SLC16A2: variants seen among roughly 807,000 people sequenced by gnomAD.
SLC16A2 encodes solute carrier family 16 member 2, also known as monocarboxylate transporter 8.
A neutral mutation model predicts 27.2 loss-of-function variants in SLC16A2; 3 were observed. That is an observed-to-expected ratio of 0.11 (90% CI 0.05 to 0.28). SLC16A2 has a LOEUF of 0.28. Ranked by LOEUF, SLC16A2 falls within the 10% of genes least tolerant of loss-of-function variation. The pLI is 1.00. For synonymous variants in SLC16A2, 202 were observed against 187.8 expected, an observed-to-expected ratio of 1.08 and a Z score of -0.62; for missense variants, 295 against 458.5, an observed-to-expected ratio of 0.64 and a Z score of 3.26.
chrX:74,484,086 G>A (rs1342721843), intron 1 of SLC16A2, among the ~76,000 whole-genome samples: 1 of 111,393 alleles, frequency 9.0e-6, no homozygotes, highest in Non-Finnish European at 1.9e-5. Context: ...ATACTAAACT[G>A]GGAGGTAGGG....
chrX:74,522,715 C>T (rs768974222), intron 2 of SLC16A2, among the ~76,000 whole-genome samples: 13 of 112,269 alleles, frequency 1.2e-4, no homozygotes, highest in East Asian at 2.8e-4. Context: ...TCTTCTGGCA[C>T]GCTACTGTAG....
At chrX:74,422,681 C>T (rs958016150) in intron 1 of SLC16A2, among the ~76,000 whole-genome samples, 5 of 112,155 alleles carry the variant, frequency 4.5e-5, no homozygotes, top group East Asian at 5.7e-4. Flanking sequence ...GTGAGTGCGT[C>T]TCTGGCCGCC....
At chrX:74,499,300 G>C (rs1430505776) in intron 1 of SLC16A2, among the ~76,000 whole-genome samples, 5 of 110,023 alleles carry the variant, frequency 4.5e-5, no homozygotes, top group Non-Finnish European at 9.5e-5. Context: ...TGCACCCCCT[G>C]GCTGCACCCA....
At chrX:74,459,637 G>C (rs1344150056) in intron 1 of SLC16A2, among the ~76,000 whole-genome samples, 1 of 110,696 alleles carries the variant, frequency 9.0e-6, no homozygotes, top group Non-Finnish European at 1.9e-5. Context: ...TAAAGGGGAG[G>C]TGCTCAAGAA....
At chrX:74,435,354 A>G (rs1225371779) in intron 1 of SLC16A2, among the ~76,000 whole-genome samples, 1 of 108,368 alleles carries the variant, frequency 9.2e-6, no homozygotes, top group Non-Finnish European at 1.9e-5. Flanking sequence ...GAAAATGGAC[A>G]GCATTTTCAT....
intron 1 of SLC16A2, among the ~76,000 whole-genome samples, chrX:74,478,336 G>T (rs941035498): frequency 2.1e-4 from 23 of 110,751 alleles, no homozygotes; most frequent in African/African-American, 6.9e-4. Flanking sequence ...TTTTCCATTT[G>T]CTTGGTAGAT....
intron 1 of SLC16A2, among the ~76,000 whole-genome samples, chrX:74,438,884 G>A (rs139436405): frequency 3.7e-4 from 41 of 112,021 alleles, no homozygotes; most frequent in Middle Eastern, 9.3e-3. Flanking sequence ...TGGAGAACAT[G>A]GATCCTTGTC....
chrX:74,440,101 G>A (rs974022336), intron 1 of SLC16A2, among the ~76,000 whole-genome samples: 3 of 111,844 alleles, frequency 2.7e-5, no homozygotes, highest in Admixed American at 9.5e-5. Context: ...GGAAGAGAGA[G>A]GCCTGGGCTT....
chrX:74,529,535 C>T (rs1342899978), intron 5 of SLC16A2, 94 bp downstream of exon 5: 2 of 644,341 alleles, frequency 3.1e-6, no homozygotes, highest in African/African-American at 4.5e-5. Context: ...GGCCCCTTTT[C>T]CTCTTATCGT....
At chrX:74,503,667 C>T (rs1304251402) in intron 1 of SLC16A2, among the ~76,000 whole-genome samples, 1 of 111,774 alleles carries the variant, frequency 8.9e-6, no homozygotes, top group Non-Finnish European at 1.9e-5. Context: ...GTTAGGCCTA[C>T]TTCTGGTCTT....
At chrX:74,497,574 G>T (rs1929959027) in intron 1 of SLC16A2, among the ~76,000 whole-genome samples, 1 of 108,934 alleles carries the variant, frequency 9.2e-6, no homozygotes, top group Non-Finnish European at 1.9e-5. Flanking sequence ...TTTCCAAGCA[G>T]AAATTGCATA....
At chrX:74,512,738 T>C (rs2147866907) in intron 1 of SLC16A2, among the ~76,000 whole-genome samples, 1 of 111,719 alleles carries the variant, frequency 9.0e-6, no homozygotes, top group East Asian at 2.8e-4. Flanking sequence ...AGTGCCTGGG[T>C]AAGGAGCCAA....
intron 1 of SLC16A2, among the ~76,000 whole-genome samples, chrX:74,438,817 G>T (rs994299802): frequency 9.0e-6 from 1 of 111,722 alleles, no homozygotes; most frequent in Non-Finnish European, 1.9e-5. Context: ...CACCTTGTTT[G>T]CAGAGTAGCA....
At chrX:74,531,225 C>A (rs1018267851) in intron 5 of SLC16A2, 108 bp from the exon 6 acceptor site, 1 of 653,836 alleles carries the variant, frequency 1.5e-6, no homozygotes, top group Non-Finnish European at 2.5e-6. Flanking sequence ...AGGCAATACA[C>A]GCCAAGATTA....
chrX:74,499,942 C>T (rs1014938003), intron 1 of SLC16A2, among the ~76,000 whole-genome samples: 4 of 110,879 alleles, frequency 3.6e-5, no homozygotes, highest in African/African-American at 1.3e-4. Flanking sequence ...CAGATTGGGT[C>T]TTATGCCTCA....
In SLC16A2 at chrX:74,421,905, C is replaced by A; in HGVS notation, c.268C>A (p.Arg90Ser). The stretch of plus-strand genomic sequence containing the variant: ...TACGGTAGAGACCCGCGGCACCGCG[C>A]GCGGCTTCCAGCCTCCCGAAGGTGG... ...TPTVETRGTA[R>S]GFQPPEGGFG... Residue 90 changes from arginine (R) to serine (S), a missense_variant, in exon 1 of 6, where the codon CGC (arginine) becomes AGC (serine). Physicochemically the swap from Arg to Ser is moderately radical, Grantham distance 110 (BLOSUM62 -1). Transcript: ENST00000587091. 1 of 1,210,695 alleles carries A rather than the reference C, an allele frequency of 8.3e-7. No homozygotes were observed. Among genetic ancestry groups the A allele is most frequent in the Non-Finnish European group, 1.1e-6 (1 of 895,136 alleles).
At chrX:74,485,777 G>A (rs1418779690) in intron 1 of SLC16A2, among the ~76,000 whole-genome samples, 3 of 111,227 alleles carry the variant, frequency 2.7e-5, no homozygotes, top group Non-Finnish European at 3.8e-5. Flanking sequence ...GAACAATGGC[G>A]AGCCTCTAGC....
chrX:74,445,208 A>G (rs1928817281), intron 1 of SLC16A2, among the ~76,000 whole-genome samples: 2 of 111,604 alleles, frequency 1.8e-5, no homozygotes, highest in Non-Finnish European at 3.8e-5. Context: ...GTGTGCATGC[A>G]TTGAGGTGGG....
intron 1 of SLC16A2, among the ~76,000 whole-genome samples, chrX:74,490,664 G>A (rs1473368320): frequency 1.8e-5 from 2 of 111,515 alleles, no homozygotes; most frequent in East Asian, 5.6e-4. Context: ...CTCCCATGAG[G>A]CCCTTGGTCA....
Sources: gnomAD v4.1 joint callset for allele counts (sites outside exome capture counted in the v4.1 genomes callset) on GRCh38, gnomAD v4.1.1 for gene constraint, MANE v1.5 for transcripts, NCBI Gene and HGNC (gene_info 2026-07-23, HGNC 2026-07-21) for gene names.